MAP4: variants seen among roughly 807,000 people sequenced by gnomAD.
MAP4 encodes the protein microtubule-associated protein 4.
Under a neutral mutation model 170.2 loss-of-function variants are expected in MAP4, and 76 were observed. That is an observed-to-expected ratio of 0.45 (90% CI 0.37 to 0.54). The LOEUF (loss-of-function observed/expected upper bound fraction) is 0.54, where lower values mean the gene tolerates loss of function less well. MAP4 is among the 20% of genes least tolerant of loss of function. MAP4 has a pLI of 0.00. For missense variants in MAP4, 2,506 were observed against 2,748.0 expected (o/e 0.91, Z 1.97); for synonymous variants, 909 against 994.5 (o/e 0.91, Z 1.62).
rs188525260 is a variant in MAP4 at position 47,955,034 on chromosome 3, C to T, written c.292+22831G>A. ...GAATTAAAGAGCTTAATGTCACCAT[C>T]AAAAGACTTGAAAGAAACAGGGTAG... On this transcript the variant is annotated intron_variant, in intron 3 of 20. Transcript: ENST00000683076. Among the ~76,000 whole-genome samples the T allele has an allele frequency of 9.2e-5, 14 of 152,280 alleles. No individual in the cohort carries two copies. The East Asian group carries it at 2.5e-3, about 27-fold the overall frequency.
intron 1 of MAP4, among the ~76,000 whole-genome samples, chr3:48,040,585 A>G (rs2100121158): frequency 1.3e-5 from 2 of 149,338 alleles, no homozygotes; most frequent in Admixed American, 6.7e-5. Context: ...TTTATTTTGT[A>G]AGACAGAGTC....
At chr3:47,901,698 C>A (rs935560673) in intron 10 of MAP4, among the ~76,000 whole-genome samples, 14 of 151,776 alleles carry the variant, frequency 9.2e-5, no homozygotes, top group Admixed American at 6.6e-5. Context: ...AATGGAAGCC[C>A]CCTTACTGTC....
At chr3:47,932,966 G>A (rs1248791829) in intron 3 of MAP4, among the ~76,000 whole-genome samples, 1 of 151,892 alleles carries the variant, frequency 6.6e-6, no homozygotes, top group Admixed American at 6.6e-5. Context: ...GCAGTGGCAC[G>A]ATCACAGCTC....
intron 1 of MAP4, among the ~76,000 whole-genome samples, chr3:48,084,419 G>GA (rs2100148072): frequency 6.7e-6 from 1 of 148,932 alleles, no homozygotes. Flanking sequence ...AAAGAATCAC[G>GA]AAAGTAATTG....
intron 2 of MAP4, among the ~76,000 whole-genome samples, chr3:47,986,428 C>T (rs1023255025): frequency 6.6e-6 from 1 of 152,104 alleles, no homozygotes; most frequent in African/African-American, 2.4e-5. Context: ...GCAACCTCCA[C>T]CTCCTGGGTT....
At chr3:47,964,191 ATG>A (rs2154186324) in intron 3 of MAP4, among the ~76,000 whole-genome samples, 1 of 152,376 alleles carries the variant, frequency 6.6e-6, no homozygotes, top group Non-Finnish European at 1.5e-5. Context: ...AAAGAACAGC[ATG>A]ATCAATGTAC....
intron 1 of MAP4, among the ~76,000 whole-genome samples, chr3:48,033,510 A>C (rs2100117220): frequency 6.6e-6 from 1 of 152,144 alleles, no homozygotes; most frequent in Admixed American, 6.5e-5. Context: ...TTTTTAATTG[A>C]AGTGAAGTTT....
chr3:48,053,193 T>C (rs2100128818), intron 1 of MAP4, among the ~76,000 whole-genome samples: 1 of 152,228 alleles, frequency 6.6e-6, no homozygotes, highest in South Asian at 2.1e-4. Context: ...TGCATCAATC[T>C]GAATAGCTAA....
intron 2 of MAP4, among the ~76,000 whole-genome samples, chr3:47,993,463 T>C (rs1057359285): frequency 2.0e-5 from 3 of 152,120 alleles, no homozygotes; most frequent in South Asian, 2.1e-4. Flanking sequence ...GCAGAAACAA[T>C]AGCCAATACC....
intron 2 of MAP4, among the ~76,000 whole-genome samples, chr3:47,983,847 CTTTA>C (rs748699010): frequency 1.3e-5 from 2 of 152,274 alleles, no homozygotes; most frequent in East Asian, 1.9e-4. Context: ...TTCAATGCTA[CTTTA>C]TTTATTTTGT....
At chr3:48,019,950 A>G (rs372976382), upstream of MAP4, among the ~76,000 whole-genome samples, 252 of 152,358 alleles carry the variant, frequency 1.7e-3, 1 homozygote, top group African/African-American at 5.2e-3. Flanking sequence ...TATATCAGTG[A>G]AAATAAAGAA....
In MAP4 at chr3:47,909,523, AGCTTTTGT is replaced by A. The variant is rs1172650863; in HGVS notation, c.4890_4897del (p.Lys1632PhefsTer3). On this transcript the variant is annotated frameshift_variant, in exon 9 of 21. Transcript: ENST00000683076. LOFTEE classifies it high-confidence loss of function. ...AGCATTTTGGTCCTCACAAAAACTG[AGCTTTTGT>A]GCTTTGTCTTCCAGTAAGTCAGGAA... 1 of 1,613,072 alleles carries A rather than the reference AGCTTTTGT, an allele frequency of 6.2e-7. No homozygotes were observed. The highest frequency in any genetic ancestry group is 1.3e-5 in the African/African-American group (1 of 74,928).
At chr3:47,984,977 T>G (rs1425875764) in intron 2 of MAP4, among the ~76,000 whole-genome samples, 1 of 144,188 alleles carries the variant, frequency 6.9e-6, no homozygotes, top group Non-Finnish European at 1.5e-5. Context: ...TTAAAAAAAA[T>G]TAAAAAATAA....
intron 3 of MAP4, among the ~76,000 whole-genome samples, chr3:47,930,911 A>G (rs1451321261): frequency 9.9e-5 from 15 of 151,602 alleles, no homozygotes. Flanking sequence ...CCTGGGTGAC[A>G]GAGCGAGACT....
chr3:48,075,931 C>T (rs1206669210), intron 1 of MAP4, among the ~76,000 whole-genome samples: 2 of 143,172 alleles, frequency 1.4e-5, no homozygotes, highest in African/African-American at 5.2e-5. Context: ...GCCGAGATCA[C>T]GTCATTGCAC....
chr3:48,067,624 A>G (rs953168064), intron 1 of MAP4, among the ~76,000 whole-genome samples: 1 of 143,216 alleles, frequency 7.0e-6, no homozygotes, highest in Non-Finnish European at 1.5e-5. Flanking sequence ...AAAGTTAACA[A>G]GAGAAACCTT....
At chr3:47,877,690 G>A in intron 10 of MAP4, 167 bp from the exon 11 acceptor site, 1 of 521,498 alleles carries the variant, frequency 1.9e-6, no homozygotes, top group South Asian at 2.7e-5. Flanking sequence ...TTCTCATTGT[G>A]ATGGAGGACA....
At chr3:47,952,238 C>T (rs1269354879) in intron 3 of MAP4, among the ~76,000 whole-genome samples, 2 of 151,746 alleles carry the variant, frequency 1.3e-5, no homozygotes, top group Admixed American at 6.6e-5. Context: ...ACCCGGCAGC[C>T]GCCCCGTCCG....
intron 1 of MAP4, among the ~76,000 whole-genome samples, chr3:48,029,357 A>G (rs1482998896): frequency 6.6e-6 from 1 of 151,978 alleles, no homozygotes; most frequent in African/African-American, 2.4e-5. Flanking sequence ...AATGCTTAAA[A>G]CCCAGGAGGC....
Sources: allele counts gnomAD v4.1 joint callset (sites outside exome capture counted in the v4.1 genomes callset), GRCh38; gene constraint gnomAD v4.1.1; transcripts MANE v1.5; gene names NCBI Gene and HGNC (gene_info 2026-07-23, HGNC 2026-07-21).